The following SPOCK1 variants were observed in gnomAD, a reference collection of about 807,000 sequenced individuals.
SPOCK1 encodes testican-1.
In SPOCK1, 23 loss-of-function variants were observed where a neutral mutation model predicts 55.3. That is an observed-to-expected ratio of 0.42 (90% CI 0.30 to 0.59). The LOEUF is 0.59. Ranked by LOEUF, SPOCK1 falls within the 20% of genes least tolerant of loss-of-function variation. The probability of loss-of-function intolerance (pLI) is 0.22; values close to 1 mark genes in which losing one functional copy is unlikely to be tolerated. For missense variants in SPOCK1, 499 were observed against 552.5 expected (o/e 0.90, Z 0.97); for synonymous variants, 226 against 221.0 (o/e 1.02, Z -0.20).
chr5:137,001,957 A>G (rs895794820), intron 6 of SPOCK1, among the ~76,000 whole-genome samples: 14 of 152,238 alleles, frequency 9.2e-5, no homozygotes, highest in Admixed American at 9.2e-4. Context: ...TGCCTGCTCA[A>G]ATTAAATTGC....
chr5:137,380,332 G>C (rs970256140), intron 2 of SPOCK1, among the ~76,000 whole-genome samples: 1 of 152,150 alleles, frequency 6.6e-6, no homozygotes, highest in East Asian at 1.9e-4. Flanking sequence ...TAGCTTCTGG[G>C]TACATTTTCC....
At chr5:137,085,452 A>G (rs2127016286) in intron 5 of SPOCK1, among the ~76,000 whole-genome samples, 1 of 152,332 alleles carries the variant, frequency 6.6e-6, no homozygotes, top group Middle Eastern at 3.4e-3. Flanking sequence ...GCTTCTGGCC[A>G]TGCCTCTTCC....
At chr5:137,275,317 T>C (rs1320612713) in intron 2 of SPOCK1, among the ~76,000 whole-genome samples, 2 of 152,212 alleles carry the variant, frequency 1.3e-5, no homozygotes, top group East Asian at 1.9e-4. Context: ...CAGGCCTCCA[T>C]GAACATCCAG....
intron 2 of SPOCK1, among the ~76,000 whole-genome samples, chr5:137,353,417 G>T (rs2127161989): frequency 6.6e-6 from 1 of 152,110 alleles, no homozygotes; most frequent in Middle Eastern, 3.4e-3. Flanking sequence ...TAAATAAATT[G>T]TGACACAGGC....
intron 2 of SPOCK1, among the ~76,000 whole-genome samples, chr5:137,435,432 A>G (rs181919206): frequency 1.4e-4 from 21 of 151,552 alleles, no homozygotes; most frequent in Admixed American, 5.3e-4. Flanking sequence ...TTCCAACAGC[A>G]TTACTTAACT....
chr5:137,307,827 G>A (rs1757724117), intron 2 of SPOCK1, among the ~76,000 whole-genome samples: 1 of 152,212 alleles, frequency 6.6e-6, no homozygotes, highest in African/African-American at 2.4e-5. Context: ...AACATCTGAA[G>A]ACTAGAACGC....
intron 2 of SPOCK1, among the ~76,000 whole-genome samples, chr5:137,302,611 TAAATAAATA>T (rs1757622839): frequency 6.6e-6 from 1 of 150,964 alleles, no homozygotes; most frequent in African/African-American, 2.4e-5. Context: ...AATAAATAAA[TAAATAAATA>T]AATAAATCAG....
chr5:137,036,791 T>G (rs1751893876), intron 6 of SPOCK1, among the ~76,000 whole-genome samples: 1 of 152,200 alleles, frequency 6.6e-6, no homozygotes, highest in African/African-American at 2.4e-5. Context: ...GGCTAAGCCC[T>G]TGGGAACCTG....
rs1554093492 is a variant in SPOCK1, at chr5:137,024,322, G to GGGC, written c.590-31723_590-31722insGCC. 6.9e-5 allele frequency among the ~76,000 whole-genome samples: 10 copies of GGGC among 144,430 alleles called. No homozygotes were observed. The South Asian group carries it at 7.2e-4, about 10-fold the overall frequency. 94.8% of individuals were successfully genotyped at this position (144,430 alleles called of 152,430 possible). On this transcript the variant is annotated intron_variant, in intron 6 of 10. Coordinates refer to ENST00000394945, the MANE Select transcript of SPOCK1 (RefSeq NM_004598.4). ...AAATTGCACCAGTTTGAAGGGGGGG[G>GGGC]GGTAGTTACAACTGACTGCTCATGT...
intron 2 of SPOCK1, among the ~76,000 whole-genome samples, chr5:137,315,308 A>G (rs1052246944): frequency 6.6e-6 from 1 of 152,112 alleles, no homozygotes; most frequent in Admixed American, 6.5e-5. Context: ...TCTCCATCTC[A>G]TCTGTCATTC....
chr5:137,459,455 T>TTC (rs1260114086), intron 2 of SPOCK1, among the ~76,000 whole-genome samples: 2 of 150,944 alleles, frequency 1.3e-5, no homozygotes, highest in Admixed American at 6.6e-5. Flanking sequence ...GAAAGGCTTT[T>TTC]TTTTTTTTTT....
intron 6 of SPOCK1, among the ~76,000 whole-genome samples, chr5:136,999,860 A>G (rs935282010): frequency 1.3e-5 from 2 of 152,206 alleles, no homozygotes; most frequent in East Asian, 1.9e-4. Context: ...TCTGACACAC[A>G]GGCATCACAG....
chr5:137,273,540 A>G (rs1280826957), intron 2 of SPOCK1, among the ~76,000 whole-genome samples: 1 of 152,250 alleles, frequency 6.6e-6, no homozygotes, highest in Non-Finnish European at 1.5e-5. Context: ...ACCTACCATC[A>G]TTCCTTTGAA....
At position 137,166,628 on chromosome 5, in the gene SPOCK1, G is replaced by GAC. The variant is rs948167064; in HGVS notation, c.233-25936_233-25935dup. Among the ~76,000 whole-genome samples, 31 of 152,146 alleles carry GAC rather than the reference G, an allele frequency of 2.0e-4. 1 individual carries two copies. The Middle Eastern group carries it at 0.02, about 100-fold the overall frequency. On this transcript the variant is annotated intron_variant, in intron 3 of 10. Coordinates refer to ENST00000394945, the MANE Select transcript of SPOCK1 (RefSeq NM_004598.4). ...AACTACAACAACTTTTCAAGACACA[G>GAC]ACAATACAATAAGATATAAATAAAA...
intron 2 of SPOCK1, among the ~76,000 whole-genome samples, chr5:137,282,022 C>T (rs1757173318): frequency 6.6e-6 from 1 of 152,164 alleles, no homozygotes; most frequent in Admixed American, 6.5e-5. Flanking sequence ...TTTAACCTTC[C>T]TAGGCTTCAG....
At chr5:137,140,773 T>C in intron 3 of SPOCK1, 79 bp from the exon 4 acceptor site, 1 of 873,228 alleles carries the variant, frequency 1.1e-6, no homozygotes, top group Non-Finnish European at 1.6e-6. Flanking sequence ...TTTTTTTTTT[T>C]GTTGAGACGG....
chr5:137,468,535 T>C (rs1013277998), intron 2 of SPOCK1, among the ~76,000 whole-genome samples: 3 of 152,228 alleles, frequency 2.0e-5, no homozygotes, highest in Admixed American at 1.3e-4. Flanking sequence ...TGGGCTAATA[T>C]ACTTATGACA....
intron 3 of SPOCK1, among the ~76,000 whole-genome samples, chr5:137,258,234 G>A (rs1256487230): frequency 1.3e-5 from 2 of 152,234 alleles, no homozygotes; most frequent in Non-Finnish European, 2.9e-5. Context: ...TTAGAGGGAA[G>A]AGCTAGAAAA....
intron 3 of SPOCK1, among the ~76,000 whole-genome samples, chr5:137,248,861 T>C (rs570810980): frequency 2.0e-5 from 3 of 152,230 alleles, no homozygotes; most frequent in Non-Finnish European, 2.9e-5. Flanking sequence ...ATTATGGTTT[T>C]CACAAAGCAT....
Sources: allele counts gnomAD v4.1 joint callset (sites outside exome capture counted in the v4.1 genomes callset), GRCh38; gene constraint gnomAD v4.1.1; transcripts MANE v1.5; gene names NCBI Gene and HGNC (gene_info 2026-07-23, HGNC 2026-07-21).